NCOA4: variants seen among roughly 807,000 people sequenced by gnomAD.
NCOA4 encodes 70 kDa AR-activator.
A neutral mutation model predicts 69.5 loss-of-function variants in NCOA4; 31 were observed. That is an observed-to-expected ratio of 0.45 (90% confidence interval 0.34 to 0.60). The LOEUF (loss-of-function observed/expected upper bound fraction) is 0.60. Ranked by LOEUF, NCOA4 falls within the 20% of genes least tolerant of loss-of-function variation. The probability of loss-of-function intolerance (pLI) is 0.02; values close to 1 mark genes in which losing one functional copy is unlikely to be tolerated. For synonymous variants in NCOA4, 228 were observed against 252.4 expected, an observed-to-expected ratio of 0.90 and a Z score of 0.92; for missense variants, 600 against 719.2, an observed-to-expected ratio of 0.83 and a Z score of 1.90.
chr10:46,020,889 G>C (rs1839828427), intron 1 of NCOA4, among the ~76,000 whole-genome samples: 1 of 152,100 alleles, frequency 6.6e-6, no homozygotes, highest in African/African-American at 2.4e-5. Flanking sequence ...AAAGAGGACT[G>C]CCTTAAATGT....
At chr10:46,021,052 A>G (rs910574782) in intron 1 of NCOA4, among the ~76,000 whole-genome samples, 6 of 152,240 alleles carry the variant, frequency 3.9e-5, no homozygotes, top group Non-Finnish European at 8.8e-5. Flanking sequence ...TTCCGCAACA[A>G]GGAATTCTTT....
intron 1 of NCOA4, among the ~76,000 whole-genome samples, chr10:46,017,755 A>C (rs1426139084): frequency 1.3e-5 from 2 of 152,198 alleles, no homozygotes; most frequent in African/African-American, 4.8e-5. Flanking sequence ...GAGCGAAAGG[A>C]AACACAAATG....
chr10:46,009,510 G>T lies in NCOA4; in HGVS notation c.1740C>A (p.Phe580Leu). ...CAGGGAGGCCATAATGGTCTGGGGG[G>T]AAGTTATGTTCCTCCTGTAGAGGTG... ...LNSPLQEEHN[F>L]PPDHYGLPAV... The change falls in exon 9 of 10, where the codon TTC becomes TTA. Residue 580 changes from phenylalanine to leucine, a missense_variant. Coordinates refer to ENST00000581486, the MANE Select transcript of NCOA4 (RefSeq NM_001145263.2). 5 of 1,611,008 alleles carry T rather than the reference G, an allele frequency of 3.1e-6. No individual in the cohort carries two copies. Among genetic ancestry groups the T allele is most frequent in the Non-Finnish European group, 4.2e-6 (5 of 1,178,972 alleles).
intron 9 of NCOA4, among the ~76,000 whole-genome samples, chr10:46,007,777 C>CAGGGT (rs1325863905): frequency 1.3e-5 from 2 of 151,824 alleles, no homozygotes; most frequent in Admixed American, 6.6e-5. Flanking sequence ...TTTGTACAGA[C>CAGGGT]AGGGTCTCTG....
chr10:46,006,675 C>T (rs1838835517), intron 9 of NCOA4, 78 bp from the exon 10 acceptor site: 4 of 1,387,782 alleles, frequency 2.9e-6, no homozygotes, highest in Non-Finnish European at 4.1e-6. Context: ...AAAGCTCCGA[C>T]TCATTTCCCA....
intron 1 of NCOA4, among the ~76,000 whole-genome samples, chr10:46,028,302 C>T (rs187341818): frequency 3.3e-5 from 5 of 152,250 alleles, no homozygotes; most frequent in South Asian, 2.1e-4. Context: ...CAGTCTGGCA[C>T]GTAGCAACCA....
At chr10:46,017,289 G>A (rs1839618531) in intron 1 of NCOA4, among the ~76,000 whole-genome samples, 1 of 152,188 alleles carries the variant, frequency 6.6e-6, no homozygotes, top group Non-Finnish European at 1.5e-5. Flanking sequence ...GCTCACACCT[G>A]TAATTCTAGT....
At chr10:46,027,549 G>T in intron 1 of NCOA4, 1 of 1,412,474 alleles carries the variant, frequency 7.1e-7, no homozygotes, top group Admixed American at 2.4e-5. Context: ...ACAAAGTCAA[G>T]ATGAAAACCT....
At chr10:46,019,256 A>G in intron 1 of NCOA4, 1 of 894,048 alleles carries the variant, frequency 1.1e-6, no homozygotes, top group Non-Finnish European at 1.3e-6. Context: ...GCATGCCATA[A>G]GCTGCCTGTG....
intron 1 of NCOA4, 146 bp from the exon 2 acceptor site, chr10:46,016,840 C>G (rs1554923375): frequency 2.2e-6 from 1 of 459,554 alleles, no homozygotes; most frequent in Non-Finnish European, 3.6e-6. Flanking sequence ...ACATAAGATA[C>G]TCTTAATAAA....
At chr10:46,009,279 C>T in intron 9 of NCOA4, 132 bp downstream of exon 9, 2 of 1,476,032 alleles carry the variant, frequency 1.4e-6, no homozygotes, top group Admixed American at 3.7e-5. Context: ...CCGTCCCACC[C>T]TCACTTGCCT....
chr10:46,026,999 C>T (rs1293334705), intron 1 of NCOA4, among the ~76,000 whole-genome samples: 1 of 152,186 alleles, frequency 6.6e-6, no homozygotes, highest in Non-Finnish European at 1.5e-5. Context: ...GGCGCGGTGG[C>T]TCACGCCTGT....
chr10:46,013,734 C>T, intron 5 of NCOA4, 95 bp from the exon 6 acceptor site: 1 of 815,528 alleles, frequency 1.2e-6, no homozygotes, highest in Non-Finnish European at 2.0e-6. Flanking sequence ...AAAGCATTAC[C>T]ATTTCATTAG....
intron 1 of NCOA4, among the ~76,000 whole-genome samples, chr10:46,028,897 T>G (rs1313783120): frequency 6.6e-6 from 1 of 151,980 alleles, no homozygotes; most frequent in Non-Finnish European, 1.5e-5. Flanking sequence ...ATGCTAACAC[T>G]ATGTGAGGGA....
intron 9 of NCOA4, among the ~76,000 whole-genome samples, chr10:46,008,743 CAT>C (rs146434039): frequency 0.032 from 4,913 of 152,260 alleles, 195 homozygotes; most frequent in African/African-American, 0.098. Context: ...CACAGCATCA[CAT>C]GTTAGAAATA....
At chr10:46,020,373 G>A (rs1297737095) in intron 1 of NCOA4, among the ~76,000 whole-genome samples, 1 of 152,184 alleles carries the variant, frequency 6.6e-6, no homozygotes, top group African/African-American at 2.4e-5. Flanking sequence ...CAGAGGGGCT[G>A]CAGTAAGGTT....
intron 9 of NCOA4, 106 bp from the exon 10 acceptor site, chr10:46,006,703 T>C: frequency 9.8e-7 from 1 of 1,018,190 alleles, no homozygotes; most frequent in South Asian, 1.3e-5. Context: ...TATACCCTTG[T>C]TACATTGTAT....
In NCOA4 at chr10:46,010,872, C is replaced by CA. The variant is rs782811692; in HGVS notation, c.1048dup (p.Cys350LeufsTer12). The CA allele has an allele frequency of 6.2e-7, 1 of 1,613,986 alleles. No individual in the cohort carries two copies. Among genetic ancestry groups the CA allele is most frequent in the South Asian group, 1.1e-5 (1 of 91,076 alleles). On this transcript the variant is annotated frameshift_variant, in exon 8 of 10. Coordinates refer to ENST00000581486, the MANE Select transcript of NCOA4 (RefSeq NM_001145263.2). LOFTEE classifies it high-confidence loss of function. Reference sequence around the variant, plus strand: ...CACACCTTTGGGCTGGTTTCCCTGACAGTTGGTACAGGAGTCAGTCTTGAC... The same window carrying CA: ...CACACCTTTGGGCTGGTTTCCCTGACAAGTTGGTACAGGAGTCAGTCTTGAC...
chr10:46,029,050 G>T (rs900723422), intron 1 of NCOA4, among the ~76,000 whole-genome samples: 6 of 149,282 alleles, frequency 4.0e-5, no homozygotes, highest in Middle Eastern at 3.4e-3. Flanking sequence ...AAAAAAAAAG[G>T]GGGGGGTGAG....
Sources: allele counts gnomAD v4.1 joint callset (sites outside exome capture counted in the v4.1 genomes callset), GRCh38; gene constraint gnomAD v4.1.1; transcripts MANE v1.5; gene names NCBI Gene and HGNC (gene_info 2026-07-23, HGNC 2026-07-21).